IL34: variants seen among roughly 807,000 people sequenced by gnomAD.
IL34 encodes the protein interleukin-34.
A neutral mutation model predicts 25.3 loss-of-function variants in IL34; 17 were observed. The ratio of observed to expected loss-of-function variants is 0.67; its 90% CI spans 0.46 to 1.01. The LOEUF (loss-of-function observed/expected upper bound fraction) is 1.01. IL34 is among the 50% of genes least tolerant of loss of function. The pLI, the probability that IL34 is intolerant of heterozygous loss-of-function variation, is 0.00. For synonymous variants in IL34, 174 were observed against 140.9 expected, an observed-to-expected ratio of 1.23 and a Z score of -1.66; for missense variants, 368 against 312.9, an observed-to-expected ratio of 1.18 and a Z score of -1.33.
chr16:70,602,081 C>T (rs902907731), intron 1 of IL34, among the ~76,000 whole-genome samples: 3 of 152,206 alleles, frequency 2.0e-5, no homozygotes, highest in Admixed American at 6.5e-5. Context: ...GCATGCAGCT[C>T]CTGTGTTGAG....
intron 1 of IL34, among the ~76,000 whole-genome samples, chr16:70,622,843 T>A (rs1567449141): frequency 6.6e-6 from 1 of 152,046 alleles, no homozygotes; most frequent in Non-Finnish European, 1.5e-5. Context: ...TTTGCGATTT[T>A]TAGGGCCTCT....
intron 1 of IL34, among the ~76,000 whole-genome samples, chr16:70,618,723 G>A (rs999042139): frequency 1.4e-4 from 21 of 152,170 alleles, no homozygotes; most frequent in Non-Finnish European, 1.6e-4. Flanking sequence ...TGGGGTTTGA[G>A]AGATCAGTCG....
intron 1 of IL34, among the ~76,000 whole-genome samples, chr16:70,602,582 G>GTGT (rs1567440606): frequency 4.3e-5 from 4 of 92,912 alleles, no homozygotes; most frequent in Non-Finnish European, 8.3e-5. Flanking sequence ...CTTTGGAATT[G>GTGT]ATGTGTGTGT....
intron 1 of IL34, among the ~76,000 whole-genome samples, chr16:70,628,786 C>CTTTTTTTTT (rs71387533): frequency 8.7e-6 from 1 of 115,174 alleles, no homozygotes; most frequent in Non-Finnish European, 1.8e-5. Flanking sequence ...CACACCTGGT[C>CTTTTTTTTT]TTTTTTTTTT....
intron 1 of IL34, among the ~76,000 whole-genome samples, chr16:70,653,063 G>A (rs1418220919): frequency 6.6e-6 from 1 of 152,088 alleles, no homozygotes; most frequent in Non-Finnish European, 1.5e-5. Context: ...AATATTGGCC[G>A]GGTGTAGTAG....
At chr16:70,635,830 T>G (rs12102525) in intron 1 of IL34, among the ~76,000 whole-genome samples, 12,425 of 152,156 alleles carry the variant, frequency 0.082, 1,642 homozygotes, top group African/African-American at 0.28. Context: ...CAAGATAGCA[T>G]GTACTGTATG....
intron 1 of IL34, among the ~76,000 whole-genome samples, chr16:70,606,153 T>C (rs1320423242): frequency 1.3e-5 from 2 of 151,848 alleles, no homozygotes; most frequent in Non-Finnish European, 2.9e-5. Flanking sequence ...TCCTAGCACG[T>C]TGGGAGGCCA....
intron 1 of IL34, among the ~76,000 whole-genome samples, chr16:70,581,501 C>G (rs983618386): frequency 1.3e-4 from 20 of 151,178 alleles, no homozygotes; most frequent in African/African-American, 4.4e-4. Flanking sequence ...AGGGCAAGAA[C>G]ATTTTTGAAG....
At chr16:70,644,940 G>A (rs1281194304), upstream of IL34, among the ~76,000 whole-genome samples, 4 of 95,730 alleles carry the variant, frequency 4.2e-5, no homozygotes, top group African/African-American at 2.6e-4. Context: ...GGAGGAAGAG[G>A]AGGAAGGAGG....
chr16:70,657,851 C>T (rs933937075), intron 4 of IL34, among the ~76,000 whole-genome samples: 2 of 152,134 alleles, frequency 1.3e-5, no homozygotes, highest in Admixed American at 6.6e-5. Flanking sequence ...TTGTCACAAC[C>T]CACAGAACTG....
chr16:70,654,616 C>T lies in IL34; in HGVS notation c.107C>T (p.Thr36Ile), dbSNP rs1184917491. ...MWPLTQNEEC[T>I]VTGFLRDKLQ... ...CCCTTGACGCAGAATGAGGAGTGCA[C>T]TGTCACGGGTTTTCTGCGGGACAAG... Residue 36 changes from threonine to isoleucine, a missense_variant, in exon 2 of 6, where the codon ACT becomes ATT. Coordinates refer to ENST00000288098, the MANE Select transcript of IL34 (RefSeq NM_001393494.1). The T allele has an allele frequency of 3.7e-6, 6 of 1,613,538 alleles. No homozygotes were observed. The African/African-American group carries it at 6.7e-5, about 18-fold the overall frequency.
chr16:70,588,872 A>C (rs2050722054), intron 1 of IL34, among the ~76,000 whole-genome samples: 1 of 152,146 alleles, frequency 6.6e-6, no homozygotes, highest in African/African-American at 2.4e-5. Context: ...CAGAAAGTAC[A>C]ATGTTTCTAT....
chr16:70,642,433 G>C (rs183054265), upstream of IL34, among the ~76,000 whole-genome samples: 228 of 151,906 alleles, frequency 1.5e-3, 3 homozygotes, highest in African/African-American at 5.0e-3. Context: ...GAGTAGCTGG[G>C]ATTACAGGCA....
intron 1 of IL34, among the ~76,000 whole-genome samples, chr16:70,623,708 G>A (rs4985541): frequency 0.41 from 61,824 of 150,760 alleles, 13,128 homozygotes; most frequent in South Asian, 0.61. Context: ...GCAATGAGAT[G>A]TAGCTGTAGT....
chr16:70,590,928 G>C (rs888740321), intron 1 of IL34, among the ~76,000 whole-genome samples: 1 of 152,124 alleles, frequency 6.6e-6, no homozygotes, highest in East Asian at 1.9e-4. Context: ...CCTCCCCGTC[G>C]TCAGTGCGCT....
At chr16:70,625,869 G>A (rs541130144) in intron 1 of IL34, among the ~76,000 whole-genome samples, 2 of 152,344 alleles carry the variant, frequency 1.3e-5, no homozygotes, top group African/African-American at 4.8e-5. Context: ...CCACTTACCG[G>A]ATTTGAAATT....
intron 1 of IL34, among the ~76,000 whole-genome samples, chr16:70,616,823 T>G (rs979421343): frequency 6.6e-6 from 1 of 152,200 alleles, no homozygotes; most frequent in African/African-American, 2.4e-5. Flanking sequence ...TTTTTACTTC[T>G]TTTGTGGATC....
intron 1 of IL34, among the ~76,000 whole-genome samples, chr16:70,639,426 C>T (rs185472262): frequency 3.9e-5 from 6 of 152,300 alleles, no homozygotes; most frequent in African/African-American, 1.2e-4. Context: ...GCTACTGCCT[C>T]TGCTTGCCTC....
chr16:70,634,852 T>A (rs1371768438), intron 1 of IL34, among the ~76,000 whole-genome samples: 1 of 152,160 alleles, frequency 6.6e-6, no homozygotes, highest in Non-Finnish European at 1.5e-5. Flanking sequence ...CGCTTTTGTG[T>A]CTGGTTGCTT....
Sources: allele counts gnomAD v4.1 joint callset (sites outside exome capture counted in the v4.1 genomes callset), GRCh38; gene constraint gnomAD v4.1.1; transcripts MANE v1.5; gene names NCBI Gene and HGNC (gene_info 2026-07-23, HGNC 2026-07-21).